The following TMEM182 variants were observed in gnomAD, a reference collection of about 807,000 sequenced individuals.
The protein encoded by TMEM182 is transmembrane protein 182.
Under a neutral mutation model 26.8 loss-of-function variants are expected in TMEM182, and 20 were observed. The observed-to-expected ratio is 0.75, with a 90% CI of 0.53 to 1.09. The LOEUF is 1.09. Among genes scored for constraint, TMEM182 ranks in the 50% least tolerant of loss-of-function variants. The probability of loss-of-function intolerance (pLI) is 0.00; values close to 1 mark genes in which losing one functional copy is unlikely to be tolerated. For synonymous variants in TMEM182, 109 were observed against 102.2 expected, an observed-to-expected ratio of 1.07 and a Z score of -0.40; for missense variants, 277 against 275.5, an observed-to-expected ratio of 1.01 and a Z score of -0.04.
At chr2:102,834,729 C>T (rs534677491) in intron 3 of TMEM182, among the ~76,000 whole-genome samples, 148 of 152,264 alleles carry the variant, frequency 9.7e-4, no homozygotes, top group South Asian at 2.5e-3. Flanking sequence ...GCTCAGGGCT[C>T]CTGCAGGTCC....
At chr2:102,838,091 T>C (rs568867266) in intron 3 of TMEM182, among the ~76,000 whole-genome samples, 38 of 152,354 alleles carry the variant, frequency 2.5e-4, no homozygotes, top group African/African-American at 9.1e-4. Context: ...TGATTGTTTA[T>C]AAATTCATGA....
chr2:102,757,790 G>A (rs1367752389), upstream of TMEM182, among the ~76,000 whole-genome samples: 1 of 152,174 alleles, frequency 6.6e-6, no homozygotes, highest in Non-Finnish European at 1.5e-5. Context: ...CAGTACTGCA[G>A]GCTTAACAGG....
intron 3 of TMEM182, among the ~76,000 whole-genome samples, chr2:102,787,114 G>C (rs905068226): frequency 3.3e-5 from 5 of 152,182 alleles, no homozygotes; most frequent in Non-Finnish European, 1.5e-5. Context: ...TGCCTTTAGT[G>C]GAGGTAAGGA....
At chr2:102,785,072 T>C (rs1370504307) in intron 3 of TMEM182, among the ~76,000 whole-genome samples, 5 of 152,154 alleles carry the variant, frequency 3.3e-5, no homozygotes, top group Non-Finnish European at 7.4e-5. Context: ...TATGAAAAGT[T>C]CATGCAACTT....
chr2:102,801,635 T>G (rs573032558), intron 4 of TMEM182, among the ~76,000 whole-genome samples: 1 of 152,312 alleles, frequency 6.6e-6, no homozygotes, highest in South Asian at 2.1e-4. Context: ...TTGTGCCGCT[T>G]AGATAAAACA....
chr2:102,761,056 C>G (rs1289762653), upstream of TMEM182, among the ~76,000 whole-genome samples: 1 of 152,088 alleles, frequency 6.6e-6, no homozygotes, highest in Non-Finnish European at 1.5e-5. Context: ...AGTTGAGATG[C>G]CCCCTTGGAA....
upstream of TMEM182, among the ~76,000 whole-genome samples, chr2:102,759,582 A>T (rs1337692164): frequency 6.6e-6 from 1 of 152,178 alleles, no homozygotes; most frequent in Non-Finnish European, 1.5e-5. Context: ...GTTTGCTCTA[A>T]TATTGCATTA....
intron 4 of TMEM182, among the ~76,000 whole-genome samples, chr2:102,800,828 T>C (rs1682092505): frequency 2.0e-5 from 3 of 151,604 alleles, no homozygotes; most frequent in Non-Finnish European, 2.9e-5. Flanking sequence ...TGTGTGTGTG[T>C]GTGTGTGTGT....
chr2:102,791,179 G>T (rs1054122564), intron 3 of TMEM182, among the ~76,000 whole-genome samples: 19 of 152,072 alleles, frequency 1.2e-4, no homozygotes, highest in African/African-American at 4.3e-4. Context: ...CAAATGATCT[G>T]CCTGCCTCGG....
At chr2:102,788,109 A>C (rs1463000370) in intron 3 of TMEM182, among the ~76,000 whole-genome samples, 1 of 152,108 alleles carries the variant, frequency 6.6e-6, no homozygotes, top group African/African-American at 2.4e-5. Flanking sequence ...ATGTCTTGCT[A>C]TGTTGCCCAG....
intron 3 of TMEM182, among the ~76,000 whole-genome samples, chr2:102,795,201 A>C (rs1323101946): frequency 6.6e-6 from 1 of 152,174 alleles, no homozygotes; most frequent in Non-Finnish European, 1.5e-5. Flanking sequence ...ACCCCAGTCT[A>C]TAGAAAATGG....
chr2:102,805,981 C>T lies in TMEM182; in HGVS notation c.469+7981C>T, dbSNP rs546191772. ...CACAGTGAAAAGGCAGACTGAATTTCCATAAGCTTTATTCTCCTTTTTCAA... is the reference window on the plus strand; with the variant it reads ...CACAGTGAAAAGGCAGACTGAATTTTCATAAGCTTTATTCTCCTTTTTCAA... On this transcript the variant is annotated intron_variant, in intron 4 of 4. Transcript: ENST00000412401. Among the ~76,000 whole-genome samples, 4 of 152,242 alleles carry T rather than the reference C, an allele frequency of 2.6e-5. No homozygotes were observed. In the South Asian group the frequency reaches 8.3e-4, roughly 32 times the overall value.
At chr2:102,770,675 A>C (rs1680636166) in intron 3 of TMEM182, among the ~76,000 whole-genome samples, 1 of 151,152 alleles carries the variant, frequency 6.6e-6, no homozygotes, top group Non-Finnish European at 1.5e-5. Flanking sequence ...GTGAAACCGC[A>C]CACGGATGCT....
chr2:102,764,441 G>T lies in TMEM182; in HGVS notation c.331+14G>T. ...ACTCTGCAGTTAGTAAGTACCCTCT[G>T]TCCTCAGCCTACTTCTAAAAGGGTC... On this transcript the variant is annotated intron_variant, in intron 3 of 4. Coordinates refer to ENST00000412401, the MANE Select transcript of TMEM182 (RefSeq NM_144632.5). 6.2e-7 allele frequency: 1 copy of T among 1,609,412 alleles called. No homozygotes were observed. Among genetic ancestry groups the T allele is most frequent in the Non-Finnish European group, 8.5e-7 (1 of 1,176,522 alleles).
downstream of TMEM182, among the ~76,000 whole-genome samples, chr2:102,818,159 T>G (rs1380069369): frequency 1.3e-5 from 2 of 152,316 alleles, no homozygotes; most frequent in South Asian, 2.1e-4. Context: ...TTGATTTTTT[T>G]GGGACTCCAC....
chr2:102,827,804 A>G (rs1046040453), intron 3 of TMEM182, among the ~76,000 whole-genome samples: 1 of 152,232 alleles, frequency 6.6e-6, no homozygotes, highest in Admixed American at 6.5e-5. Context: ...CGTACACTGG[A>G]TAAAAATGAC....
intron 3 of TMEM182, among the ~76,000 whole-genome samples, chr2:102,823,802 G>GT (rs998445764): frequency 1.4e-4 from 21 of 152,340 alleles, no homozygotes; most frequent in Middle Eastern, 3.4e-3. Flanking sequence ...CATTAGTTTA[G>GT]TTTTGTTCCT....
intron 3 of TMEM182, among the ~76,000 whole-genome samples, chr2:102,841,000 T>C (rs558608527): frequency 1.7e-4 from 26 of 152,316 alleles, no homozygotes; most frequent in African/African-American, 6.0e-4. Context: ...TTCTCAGTGA[T>C]GCCAGGGGAC....
intron 4 of TMEM182, among the ~76,000 whole-genome samples, chr2:102,801,517 C>CTGTTATCTG (rs1210874148): frequency 1.3e-5 from 2 of 152,178 alleles, no homozygotes; most frequent in East Asian, 3.9e-4. Context: ...GCCCAGATGG[C>CTGTTATCTG]TGTTATCTGG....
Sources: allele counts gnomAD v4.1 joint callset (sites outside exome capture counted in the v4.1 genomes callset), GRCh38; gene constraint gnomAD v4.1.1; transcripts MANE v1.5; gene names NCBI Gene and HGNC (gene_info 2026-07-23, HGNC 2026-07-21).